Variants in CRHR2 observed in about 807,000 individuals in gnomAD.
The protein encoded by CRHR2 is corticotropin releasing hormone receptor 2, also known as corticotropin-releasing hormone receptor 2.
A neutral mutation model predicts 57.9 loss-of-function variants in CRHR2; 53 were observed. The ratio of observed to expected loss-of-function variants is 0.92; its 90% CI spans 0.73 to 1.15. CRHR2 has a LOEUF of 1.15. Among genes scored for constraint, CRHR2 ranks in the 50% most tolerant of loss-of-function variants. The pLI is 0.00. For synonymous variants in CRHR2, 213 were observed against 220.9 expected (o/e 0.96, Z 0.32); for missense variants, 532 against 542.6 (o/e 0.98, Z 0.19).
At position 30,662,733 on chromosome 7, in the gene CRHR2, C is replaced by T. The variant is rs549129621; in HGVS notation, c.658G>A (p.Glu220Lys). The T allele has an allele frequency of 1.7e-5, 27 of 1,614,068 alleles. No homozygotes were observed. The highest frequency in any genetic ancestry group is 1.9e-5 in the Non-Finnish European group (23 of 1,180,026). ...HTAIVMTYSTERLRKCLFLFI... is the reference protein window; with the variant it reads ...HTAIVMTYSTKRLRKCLFLFI... ...AGGAAGAGGCACTTGCGCAGGCGCT[C>T]AGTGGAGTAGGTCATGACAATGGCC... Residue 220 changes from glutamate (E) to lysine (K), a missense_variant, in exon 6 of 12, where the codon GAG becomes AAG. By Grantham distance (56) the Glu-to-Lys change is moderately conservative (BLOSUM62 1). Transcript: ENST00000471646.
rs150117775 is a variant in CRHR2 at position 30,661,824 on chromosome 7, C to T, written c.758+332G>A. Among the ~76,000 whole-genome samples, 13 of 152,318 alleles carry T rather than the reference C, an allele frequency of 8.5e-5. No individual in the cohort carries two copies. The East Asian group carries it at 1.9e-3, about 23-fold the overall frequency. On this transcript the variant is annotated intron_variant, in intron 7 of 11. Coordinates refer to ENST00000471646, the MANE Select transcript of CRHR2 (RefSeq NM_001883.5). The stretch of plus-strand genomic sequence containing the variant: ...CATGGACAGCTCTGGATGTCATGTG[C>T]GGCCTTGGCCCCTTCCACATACCCC...
chr7:30,670,706 C>T (rs1301363888), intron 2 of CRHR2, among the ~76,000 whole-genome samples: 1 of 152,222 alleles, frequency 6.6e-6, no homozygotes. Context: ...TCTCATCCAC[C>T]CCGTGGGAAA....
intron 5 of CRHR2, 81 bp from the exon 6 acceptor site, chr7:30,662,928 A>T (rs1018190611): frequency 8.5e-6 from 13 of 1,526,782 alleles, no homozygotes; most frequent in Middle Eastern, 3.5e-4. Flanking sequence ...GGGCAACAAG[A>T]CACAGGGCTC....
upstream of CRHR2, chr7:30,686,615 C>A (rs1052520030): frequency 9.0e-6 from 10 of 1,116,546 alleles, no homozygotes; most frequent in Admixed American, 6.2e-5. Flanking sequence ...TCAAGACCAG[C>A]CTACAAAAAA....
intron 1 of CRHR2, among the ~76,000 whole-genome samples, chr7:30,695,309 T>C (rs1170110550): frequency 6.6e-6 from 1 of 152,158 alleles, no homozygotes; most frequent in Non-Finnish European, 1.5e-5. Flanking sequence ...CTTGGCCTCC[T>C]GGGCAGCTCC....
chr7:30,694,653 A>T (rs1785022305), intron 1 of CRHR2, among the ~76,000 whole-genome samples: 1 of 152,102 alleles, frequency 6.6e-6, no homozygotes, highest in Admixed American at 6.5e-5. Context: ...AAGGTCAGAG[A>T]AGGACTCAGC....
intron 2 of CRHR2, among the ~76,000 whole-genome samples, chr7:30,672,526 G>A (rs1441682576): frequency 1.3e-5 from 2 of 152,172 alleles, no homozygotes; most frequent in Non-Finnish European, 2.9e-5. Flanking sequence ...GCTCAGAGTG[G>A]GCCAGGAGGA....
Position 30,681,976 on chromosome 7 carries a change from G to A in CRHR2, c.168C>T (p.Ala56=). The A allele has an allele frequency of 6.2e-7, 1 of 1,610,434 alleles. No individual in the cohort carries two copies. ...QIGTCWPRSA[A]GALVERPCPE... is the part of the protein sequence containing the mutation. ...GGCACGGCCTCTCCACGAGGGCTCCGGCAGCGCTGCGGGGCCAGCACGTTC... is the reference window on the plus strand; with the variant it reads ...GGCACGGCCTCTCCACGAGGGCTCCAGCAGCGCTGCGGGGCCAGCACGTTC... The change falls in exon 2 of 12, where the codon GCC becomes GCT. Residue 56 remains alanine, a synonymous_variant. Coordinates refer to ENST00000471646, the MANE Select transcript of CRHR2 (RefSeq NM_001883.5).
At position 30,682,016 on chromosome 7, in the gene CRHR2, G is replaced by A. The variant is rs768026628; in HGVS notation, c.128C>T (p.Thr43Ile). The change falls in exon 2 of 12, where the codon ACC (threonine) becomes ATC (isoleucine). Residue 43 changes from threonine (T) to isoleucine (I), a missense_variant. Physicochemically the swap from Thr to Ile is moderately conservative, Grantham distance 89. Transcript: ENST00000471646. Reference protein sequence around the residue: ...PEGPYSYCNTTLDQIGTCWPR... With the variant: ...PEGPYSYCNTILDQIGTCWPR... ...CCAGCACGTTCCGATCTGGTCCAAG[G>A]TCGTGTTGCAGTAGGAGTAGGGACC... 1.9e-6 allele frequency: 3 copies of A among 1,599,866 alleles called. No individual in the cohort carries two copies. The highest frequency in any genetic ancestry group is 2.3e-5 in the South Asian group (2 of 88,798).
intron 11 of CRHR2, chr7:30,654,628 G>A: frequency 6.7e-7 from 1 of 1,496,890 alleles, no homozygotes; most frequent in Non-Finnish European, 9.0e-7. Flanking sequence ...CTCTTGGTGT[G>A]TGGGCTTTTC....
Position 30,682,179 on chromosome 7 carries a change from C to T in CRHR2, c.102G>A (p.Glu34=). 1 of 1,573,432 alleles carries T rather than the reference C, an allele frequency of 6.4e-7. No individual in the cohort carries two copies. Among genetic ancestry groups the T allele is most frequent in the South Asian group, 1.2e-5 (1 of 86,472 alleles). ...LDGWGPPLDP[E]GPYSYCNTTL... is the part of the protein sequence containing the mutation. ...TCCGACCGCTCGCCTCCCGCCTACC[C>T]TCGGGGTCCAGGGGTGGCCCCCAGC... Residue 34 remains glutamate, a splice_region_variant and synonymous_variant, in exon 1 of 12, where the codon GAG becomes GAA. Transcript: ENST00000471646.
chr7:30,689,145 C>A, intron 2 of CRHR2: 1 of 1,513,990 alleles, frequency 6.6e-7, no homozygotes, highest in Non-Finnish European at 9.0e-7. Flanking sequence ...CAGGGCCCAC[C>A]CACATCTCCA....
Position 30,655,668 on chromosome 7 carries a change from G to A in CRHR2, c.965C>T (p.Thr322Ile), listed in dbSNP as rs1338171529. Residue 322 changes from threonine (T) to isoleucine (I), a missense_variant, in exon 10 of 12, where the codon ACC becomes ATC. Thr to Ile is a moderately conservative substitution (Grantham distance 89). Transcript: ENST00000471646. ...TLVLLPLLGITYMLFFVNPGE... is the reference protein window; with the variant it reads ...TLVLLPLLGIIYMLFFVNPGE... ...GGGATTGACGAAGAAGAGCATGTAGGTGATGCCCAGGAGGGGCAGGAGCAC... is the reference window on the plus strand; with the variant it reads ...GGGATTGACGAAGAAGAGCATGTAGATGATGCCCAGGAGGGGCAGGAGCAC... 6.2e-7 allele frequency: 1 copy of A among 1,614,174 alleles called. No homozygotes were observed. Among genetic ancestry groups the A allele is most frequent in the Non-Finnish European group, 8.5e-7 (1 of 1,179,992 alleles).
At chr7:30,676,363 T>G (rs959072186) in intron 2 of CRHR2, among the ~76,000 whole-genome samples, 4 of 152,108 alleles carry the variant, frequency 2.6e-5, no homozygotes, top group Non-Finnish European at 5.9e-5. Flanking sequence ...CCTTGGAGAA[T>G]GGAATAGAGT....
upstream of CRHR2, among the ~76,000 whole-genome samples, chr7:30,685,490 C>T (rs1047726523): frequency 3.9e-5 from 6 of 152,154 alleles, no homozygotes; most frequent in African/African-American, 1.4e-4. Flanking sequence ...GGAATTACGA[C>T]GGGGTTGCTG....
rs41454746 is a variant in CRHR2, at chr7:30,655,118, A to G, written c.1054-38T>C. 1.2e-4 allele frequency: 194 copies of G among 1,601,556 alleles called. No homozygotes were observed. The African/African-American group carries it at 1.8e-3, about 15-fold the overall frequency. Reference sequence around the variant, plus strand: ...GAAAGGAGGGAGTGGTCAGTGACCTACCTGCGGAGCTGTTCTGCCTGGTGG... The same window carrying G: ...GAAAGGAGGGAGTGGTCAGTGACCTGCCTGCGGAGCTGTTCTGCCTGGTGG... On this transcript the variant is annotated intron_variant, in intron 10 of 11. Coordinates refer to ENST00000471646, the MANE Select transcript of CRHR2 (RefSeq NM_001883.5).
Position 30,655,021 on chromosome 7 carries a change from G to C in CRHR2, c.1095+18C>G, listed in dbSNP as rs202081523. ...GGACCTGGATATCCCAGGCCACCCCGAGGGCCCAGCTTCATACCTCTCCAT... is the reference window on the plus strand; with the variant it reads ...GGACCTGGATATCCCAGGCCACCCCCAGGGCCCAGCTTCATACCTCTCCAT... On this transcript the variant is annotated intron_variant, in intron 11 of 11. Coordinates refer to ENST00000471646, the MANE Select transcript of CRHR2 (RefSeq NM_001883.5). 2 of 1,611,992 alleles carry C rather than the reference G, an allele frequency of 1.2e-6. No homozygotes were observed. The highest frequency in any genetic ancestry group is 2.2e-5 in the South Asian group (2 of 90,624).
chr7:30,688,923 C>A (rs111886188), intron 2 of CRHR2: 15,363 of 580,430 alleles, frequency 0.026, 632 homozygotes, highest in African/African-American at 0.14. Context: ...CTCCTGAATG[C>A]CAGCCCAGCT....
intron 5 of CRHR2, among the ~76,000 whole-genome samples, chr7:30,663,378 G>C (rs1717745812): frequency 6.6e-6 from 1 of 152,152 alleles, no homozygotes; most frequent in Admixed American, 6.5e-5. Flanking sequence ...TTCTGGACTT[G>C]GCACAATTAT....
Sources: gnomAD v4.1 joint callset for allele counts (sites outside exome capture counted in the v4.1 genomes callset) on GRCh38, gnomAD v4.1.1 for gene constraint, MANE v1.5 for transcripts, NCBI Gene and HGNC (gene_info 2026-07-23, HGNC 2026-07-21) for gene names.